The following ZNF487 variants were observed in gnomAD, a reference collection of about 807,000 sequenced individuals.
The protein encoded by ZNF487 is zinc finger protein 487, also known as KRAB domain only 1.
ZNF487 carries 4 observed loss-of-function variants against 3.0 expected under a neutral mutation model. The ratio of observed to expected loss-of-function variants is 1.35; its 90% CI spans 0.66 to 3.08. ZNF487 has a LOEUF of 3.08. Ranked by LOEUF, ZNF487 falls within the 30% of genes most tolerant of loss-of-function variation. The probability of loss-of-function intolerance (pLI) is 0.01; values close to 1 mark genes in which losing one functional copy is unlikely to be tolerated. For missense variants in ZNF487, 146 were observed against 98.7 expected (o/e 1.48, Z -2.03); for synonymous variants, 55 against 34.6 (o/e 1.59, Z -2.06).
the ZNF487 span, among the ~76,000 whole-genome samples, chr10:43,488,385 GA>G: frequency 4.6e-5 from 7 of 151,966 alleles, no homozygotes; most frequent in African/African-American, 7.2e-5. Context: ...AAAGAAACTG[GA>G]AAAAAAGCAA....
chr10:43,451,757 G>T (rs1485995896), intron 1 of ZNF487, among the ~76,000 whole-genome samples: 6 of 151,906 alleles, frequency 3.9e-5, no homozygotes, highest in Admixed American at 2.6e-4. Flanking sequence ...TAGAGACGGG[G>T]TTTCTCCATG....
intron 3 of ZNF487, among the ~76,000 whole-genome samples, chr10:43,479,911 C>T (rs571152938): frequency 1.3e-5 from 2 of 152,180 alleles, no homozygotes; most frequent in South Asian, 2.1e-4. Context: ...CTGCCTCGGC[C>T]TCCCAAAGTG....
At chr10:43,508,172 C>A in the ZNF487 span, among the ~76,000 whole-genome samples, 1 of 152,152 alleles carries the variant, frequency 6.6e-6, no homozygotes, top group South Asian at 2.1e-4. Flanking sequence ...GTTCTTAAAC[C>A]CTGTAAACCA....
the ZNF487 span, among the ~76,000 whole-genome samples, chr10:43,491,869 T>C: frequency 2.0e-5 from 3 of 151,956 alleles, no homozygotes; most frequent in Admixed American, 2.0e-4. Flanking sequence ...AGGATATATG[T>C]AGGACTTATT....
chr10:43,500,958 T>C, the ZNF487 span, among the ~76,000 whole-genome samples: 2 of 152,360 alleles, frequency 1.3e-5, no homozygotes, highest in South Asian at 4.1e-4. Context: ...TATGCCTTGC[T>C]TAGTGACAAG....
intron 1 of ZNF487, among the ~76,000 whole-genome samples, chr10:43,441,827 T>A (rs1265772138): frequency 6.6e-6 from 1 of 152,136 alleles, no homozygotes. Flanking sequence ...CCTCAAGTGA[T>A]CCACCCGCGT....
intron 1 of ZNF487, among the ~76,000 whole-genome samples, chr10:43,466,406 C>CTTT (rs529133882): frequency 2.1e-5 from 3 of 140,996 alleles, no homozygotes; most frequent in East Asian, 2.0e-4. Context: ...TTCTTTCTTT[C>CTTT]TTTTTTTTTT....
intron 1 of ZNF487, among the ~76,000 whole-genome samples, chr10:43,438,689 T>C (rs1421135094): frequency 6.6e-6 from 1 of 152,192 alleles, no homozygotes. Context: ...CATAGCAGCA[T>C]TATTTGCAAT....
At chr10:43,511,654 T>C in the ZNF487 span, among the ~76,000 whole-genome samples, 1 of 151,852 alleles carries the variant, frequency 6.6e-6, no homozygotes, top group African/African-American at 2.4e-5. Flanking sequence ...CCTCGGTGAG[T>C]GGAAGTCCAT....
chr10:43,455,299 C>G (rs1840144505), intron 1 of ZNF487, among the ~76,000 whole-genome samples: 1 of 152,196 alleles, frequency 6.6e-6, no homozygotes, highest in Admixed American at 6.5e-5. Context: ...GCGTGAGCCA[C>G]GGCGCACGGC....
chr10:43,512,395 G>A, the ZNF487 span, among the ~76,000 whole-genome samples: 62 of 152,212 alleles, frequency 4.1e-4, no homozygotes, highest in African/African-American at 5.8e-4. Flanking sequence ...ATGCTGCTGC[G>A]CATGACCCAC....
intron 1 of ZNF487, among the ~76,000 whole-genome samples, chr10:43,473,434 C>A (rs1375220091): frequency 2.0e-5 from 3 of 151,970 alleles, no homozygotes; most frequent in Admixed American, 2.0e-4. Context: ...GGGTATTTTT[C>A]TTTTTATTAG....
At chr10:43,462,021 T>C (rs1247798805) in intron 1 of ZNF487, among the ~76,000 whole-genome samples, 1 of 152,208 alleles carries the variant, frequency 6.6e-6, no homozygotes, top group Non-Finnish European at 1.5e-5. Context: ...GGTTGGTCTG[T>C]AGTGAACTCA....
chr10:43,495,786 T>TG, the ZNF487 span, among the ~76,000 whole-genome samples: 1 of 152,202 alleles, frequency 6.6e-6, no homozygotes, highest in Non-Finnish European at 1.5e-5. Context: ...TCCAGCACAT[T>TG]GGGGAACTTT....
At chr10:43,487,014 CATT>C (rs1187782256), downstream of ZNF487, among the ~76,000 whole-genome samples, 2 of 152,136 alleles carry the variant, frequency 1.3e-5, no homozygotes, top group African/African-American at 4.8e-5. Flanking sequence ...ACATAGATAT[CATT>C]GTTTTCCCAA....
rs777833151 is a variant in ZNF487, at chr10:43,482,592, T to C, written c.*670T>C. On this transcript the variant is annotated 3_prime_UTR_variant, in exon 4 of 4. Transcript: ENST00000437590. ...AGAGAAACCCTATGGATGTAATGAA[T>C]GTCAGAAAGCCTTTGGTGATAGGTC... 4 of 506,892 alleles carry C rather than the reference T, an allele frequency of 7.9e-6. No individual in the cohort carries two copies. Among genetic ancestry groups the C allele is most frequent in the Non-Finnish European group, 1.6e-5 (4 of 248,504 alleles). The allele number at this position is 506,892 out of a possible 1,614,324, so 31.4% of individuals were successfully genotyped here. A position where few individuals can be genotyped will look rare whatever the true frequency, so the allele number is the denominator to read the frequency against.
At chr10:43,519,428 A>G in the ZNF487 span, among the ~76,000 whole-genome samples, 1 of 151,750 alleles carries the variant, frequency 6.6e-6, no homozygotes, top group Non-Finnish European at 1.5e-5. Context: ...GGCAGGATAA[A>G]TCTATGATTT....
intron 1 of ZNF487, among the ~76,000 whole-genome samples, chr10:43,437,974 ACCACCGCCTG>A (rs1839446287): frequency 6.6e-6 from 1 of 151,948 alleles, no homozygotes; most frequent in East Asian, 1.9e-4. Flanking sequence ...TACAGGCTGA[ACCACCGCCTG>A]CCACCGAAAT....
At chr10:43,490,219 G>A in the ZNF487 span, among the ~76,000 whole-genome samples, 1 of 152,054 alleles carries the variant, frequency 6.6e-6, no homozygotes, top group African/African-American at 2.4e-5. Context: ...CAGTGTGGTG[G>A]CAGGTGCCTG....
Sources: allele counts gnomAD v4.1 joint callset (sites outside exome capture counted in the v4.1 genomes callset), GRCh38; gene constraint gnomAD v4.1.1; transcripts MANE v1.5; gene names NCBI Gene and HGNC (gene_info 2026-07-23, HGNC 2026-07-21).